The following SRPX variants were observed in gnomAD, a reference collection of about 807,000 sequenced individuals.
The protein encoded by SRPX is sushi repeat-containing protein SRPX.
SRPX carries 24 observed loss-of-function variants against 38.1 expected under a neutral mutation model. The ratio of observed to expected loss-of-function variants is 0.63; its 90% confidence interval spans 0.46 to 0.89. The LOEUF is 0.89. SRPX is among the 40% of genes least tolerant of loss of function. The pLI is 0.00. For synonymous variants in SRPX, 184 were observed against 153.8 expected (o/e 1.20, Z -1.45); for missense variants, 416 against 377.8 (o/e 1.10, Z -0.84).
chrX:38,168,728 C>T (rs1938407817), intron 4 of SRPX, among the ~76,000 whole-genome samples: 1 of 112,409 alleles, frequency 8.9e-6, no homozygotes, highest in African/African-American at 3.2e-5. Context: ...TTGCTTCCCC[C>T]AGCCAGAGCG....
rs1251505799 is a variant in SRPX at position 38,154,453 on chromosome X, TC to T, written c.1211+8del. The T allele has an allele frequency of 2.5e-6, 3 of 1,198,412 alleles. No homozygotes were observed. The highest frequency in any genetic ancestry group is 2.2e-6 in the Non-Finnish European group (2 of 889,069). On this transcript the variant is annotated splice_region_variant and intron_variant, in intron 9 of 9. Transcript: ENST00000378533. ...GGGGATAAGATTTAAGAACAGAACT[TC>T]CCCCTACCTGAGCTGCAGCGCTAGG...
chrX:38,153,308 T>C (rs1412477296), intron 9 of SRPX, among the ~76,000 whole-genome samples: 4 of 95,785 alleles, frequency 4.2e-5, no homozygotes, highest in Non-Finnish European at 6.3e-5. Context: ...CTTTCTTTTT[T>C]TTTTTTTTTT....
At chrX:38,160,798 C>T (rs1244191471) in intron 6 of SRPX, 135 bp downstream of exon 6, 5 of 796,287 alleles carry the variant, frequency 6.3e-6, no homozygotes, top group East Asian at 6.5e-5. Flanking sequence ...CTTCCCCAAG[C>T]CTTATTAGAG....
chrX:38,162,453 T>C (rs983474747), intron 5 of SRPX, among the ~76,000 whole-genome samples: 1 of 112,397 alleles, frequency 8.9e-6, no homozygotes, highest in Non-Finnish European at 1.9e-5. Context: ...CTCTGGGTTG[T>C]AGAACTCTGG....
rs1357890670 is a variant in SRPX at position 38,149,814 on chromosome X, G to T, written c.1292C>A (p.Ser431Tyr). 1.7e-6 allele frequency: 2 copies of T among 1,210,919 alleles called. No individual in the cohort carries two copies. The highest frequency in any genetic ancestry group is 2.2e-6 in the Non-Finnish European group (2 of 895,163). ...KHGMDKERYV[S>Y]LVMPVALFNL... Reference sequence around the variant, plus strand: ...GAACAGGGCCACAGGCATCACCAGGGAGACATAGCGCTCTTTGTCCATGCC... The same window carrying T: ...GAACAGGGCCACAGGCATCACCAGGTAGACATAGCGCTCTTTGTCCATGCC... Residue 431 changes from serine (S) to tyrosine (Y), a missense_variant, in exon 10 of 10, where the codon TCC becomes TAC. Coordinates refer to ENST00000378533, the MANE Select transcript of SRPX (RefSeq NM_006307.5).
intron 2 of SRPX, among the ~76,000 whole-genome samples, chrX:38,176,533 C>T (rs902953942): frequency 3.6e-5 from 4 of 112,180 alleles, no homozygotes; most frequent in African/African-American, 1.3e-4. Context: ...TGGCTCACGC[C>T]TGTAATCCCA....
intron 1 of SRPX, among the ~76,000 whole-genome samples, chrX:38,216,159 C>T (rs750478711): frequency 1.8e-5 from 2 of 111,911 alleles, no homozygotes; most frequent in South Asian, 3.8e-4. Flanking sequence ...CCACCATCTC[C>T]GCACCAGCAA....
chrX:38,170,517 A>C (rs1393982156), intron 4 of SRPX, among the ~76,000 whole-genome samples: 1 of 111,307 alleles, frequency 9.0e-6, no homozygotes, highest in Non-Finnish European at 1.9e-5. Flanking sequence ...TTTTCCTGGG[A>C]GCTCTAGGCT....
intron 4 of SRPX, among the ~76,000 whole-genome samples, chrX:38,170,696 G>C (rs761814769): frequency 5.5e-4 from 62 of 111,964 alleles, no homozygotes; most frequent in African/African-American, 1.9e-3. Flanking sequence ...ATCTGGTCCA[G>C]CTTAAGACAT....
At chrX:38,179,193 G>C (rs1263822885) in intron 1 of SRPX, among the ~76,000 whole-genome samples, 3 of 111,368 alleles carry the variant, frequency 2.7e-5, no homozygotes, top group Non-Finnish European at 5.7e-5. Context: ...TGATCTGCCC[G>C]CCTCGGCCTC....
intron 1 of SRPX, among the ~76,000 whole-genome samples, chrX:38,186,785 G>C (rs1475645154): frequency 8.9e-6 from 1 of 111,776 alleles, no homozygotes; most frequent in Non-Finnish European, 1.9e-5. Context: ...ATGTTTGATT[G>C]ATATGGAGGA....
At chrX:38,168,915 G>A (rs758804677) in intron 4 of SRPX, among the ~76,000 whole-genome samples, 4 of 112,398 alleles carry the variant, frequency 3.6e-5, no homozygotes, top group South Asian at 3.8e-4. Flanking sequence ...CTACTCAGGA[G>A]GCTGATGTGG....
At chrX:38,190,587 A>G (rs1397663276) in intron 1 of SRPX, among the ~76,000 whole-genome samples, 1 of 111,842 alleles carries the variant, frequency 8.9e-6, no homozygotes, top group Non-Finnish European at 1.9e-5. Flanking sequence ...ATAGTCACAC[A>G]GTAGCTGTTG....
In SRPX at chrX:38,159,003, TA is replaced by T. The variant is rs1251288818; in HGVS notation, c.955+1013del. Among the ~76,000 whole-genome samples, 4 of 110,706 alleles carry T rather than the reference TA, an allele frequency of 3.6e-5. No homozygotes were observed. In the Admixed American group the frequency reaches 3.8e-4, roughly 11 times the overall value. On this transcript the variant is annotated intron_variant, in intron 7 of 9. Transcript: ENST00000378533. ...TCAAACAAACAAACAAACAAACAAA[TA>T]AAAAATATAAAGAGATAGGTAGAAA...
chrX:38,217,990 T>C (rs1353751870), intron 1 of SRPX, among the ~76,000 whole-genome samples: 1 of 112,450 alleles, frequency 8.9e-6, no homozygotes, highest in African/African-American at 3.2e-5. Flanking sequence ...ATGTTTTAAA[T>C]CTAAATAGGA....
intron 9 of SRPX, 86 bp from the exon 10 acceptor site, chrX:38,149,980 G>T: frequency 2.4e-6 from 2 of 842,961 alleles, no homozygotes; most frequent in Non-Finnish European, 3.2e-6. Flanking sequence ...TACTGTGACA[G>T]TGTGCAGAGA....
intron 1 of SRPX, among the ~76,000 whole-genome samples, chrX:38,208,852 T>TC (rs1432009142): frequency 1.0e-5 from 1 of 100,442 alleles, no homozygotes; most frequent in Non-Finnish European, 2.0e-5. Flanking sequence ...TAATTTCTTT[T>TC]TTTTTTTTTT....
intron 2 of SRPX, among the ~76,000 whole-genome samples, chrX:38,176,500 TA>T (rs1354909174): frequency 8.9e-6 from 1 of 112,125 alleles, no homozygotes; most frequent in Admixed American, 9.4e-5. Flanking sequence ...CTTTTAAAAT[TA>T]AAAAAACTTG....
intron 8 of SRPX, among the ~76,000 whole-genome samples, chrX:38,155,877 A>T (rs893963053): frequency 8.9e-6 from 1 of 111,848 alleles, no homozygotes; most frequent in Non-Finnish European, 1.9e-5. Context: ...CCAGGGGTAA[A>T]GATGCAATGA....
Sources: gnomAD v4.1 joint callset for allele counts (sites outside exome capture counted in the v4.1 genomes callset) on GRCh38, gnomAD v4.1.1 for gene constraint, MANE v1.5 for transcripts, NCBI Gene and HGNC (gene_info 2026-07-23, HGNC 2026-07-21) for gene names.